RBFOX1: variants seen among roughly 807,000 people sequenced by gnomAD.
RBFOX1 encodes the protein RNA binding protein fox-1 homolog 1.
A neutral mutation model predicts 57.7 loss-of-function variants in RBFOX1; 8 were observed. That is an observed-to-expected ratio of 0.14 (90% CI 0.08 to 0.25). The LOEUF (loss-of-function observed/expected upper bound fraction) is 0.25, where lower values mean the gene tolerates loss of function less well. RBFOX1 is among the 10% of genes least tolerant of loss of function. The probability of loss-of-function intolerance (pLI) is 1.00; values close to 1 mark genes in which losing one functional copy is unlikely to be tolerated. For synonymous variants in RBFOX1, 326 were observed against 222.4 expected (o/e 1.47, Z -4.15); for missense variants, 611 against 548.5 (o/e 1.11, Z -1.14).
chr16:5,925,503 G>A (rs1476583213), intron 4 of RBFOX1, among the ~76,000 whole-genome samples: 2 of 152,180 alleles, frequency 1.3e-5, no homozygotes, highest in African/African-American at 2.4e-5. Context: ...AAACTTGGAC[G>A]TGATTCGTGG....
At chr16:7,692,993 A>C (rs2077708022) in intron 14 of RBFOX1, among the ~76,000 whole-genome samples, 1 of 152,158 alleles carries the variant, frequency 6.6e-6, no homozygotes, top group South Asian at 2.1e-4. Flanking sequence ...TAATCTCTTT[A>C]GCATAGAAAG....
intron 1 of RBFOX1, among the ~76,000 whole-genome samples, chr16:5,390,327 C>A (rs2066371916): frequency 7.0e-6 from 1 of 143,012 alleles, no homozygotes; most frequent in South Asian, 2.2e-4. Context: ...GTTGCTGTGT[C>A]ACCCAGGCTG....
rs539911250 is a variant in RBFOX1 at position 6,019,585 on chromosome 16, C to T, written c.-534C>T. On this transcript the variant is annotated 5_prime_UTR_variant, in exon 1 of 16. Coordinates refer to ENST00000550418, the MANE Select transcript of RBFOX1 (RefSeq NM_018723.4). This position sits in a 1 kb window ranked among gnomAD's most constrained non-coding sequence, Gnocchi z 4.2. ...CTGGCTGGACCCACGCGCGCGCCTCCGGGGCTGAAGAAGGAAGGAGTGAGC... is the reference window on the plus strand; with the variant it reads ...CTGGCTGGACCCACGCGCGCGCCTCTGGGGCTGAAGAAGGAAGGAGTGAGC... 4.2e-6 allele frequency: 5 copies of T among 1,189,200 alleles called. No individual in the cohort carries two copies. Among genetic ancestry groups the T allele is most frequent in the Non-Finnish European group, 5.2e-6 (5 of 960,222 alleles). 73.7% of individuals were successfully genotyped at this position (1,189,200 alleles called of 1,614,324 possible).
chr16:6,806,956 C>G (rs997429707), intron 3 of RBFOX1, among the ~76,000 whole-genome samples: 1 of 150,672 alleles, frequency 6.6e-6, no homozygotes, highest in African/African-American at 2.4e-5. Flanking sequence ...GCCTCAGCCT[C>G]CTAAGTAGCT....
intron 3 of RBFOX1, among the ~76,000 whole-genome samples, chr16:7,005,252 C>T (rs1184630207): frequency 6.6e-6 from 1 of 152,108 alleles, no homozygotes. Context: ...AATAGCTTTC[C>T]CCTTACCTTT....
chr16:6,116,458 C>G (rs1231685903), intron 1 of RBFOX1, among the ~76,000 whole-genome samples: 2 of 152,074 alleles, frequency 1.3e-5, no homozygotes, highest in African/African-American at 2.4e-5. Flanking sequence ...TTTCTTATTA[C>G]CAAGAAGGCT....
At chr16:7,381,241 T>C (rs745941487) in intron 4 of RBFOX1, among the ~76,000 whole-genome samples, 3 of 152,178 alleles carry the variant, frequency 2.0e-5, no homozygotes, top group Non-Finnish European at 2.9e-5. Context: ...CAAACCCAGG[T>C]GCAAGTGGAA....
At chr16:6,957,329 C>T (rs1038353361) in intron 3 of RBFOX1, among the ~76,000 whole-genome samples, 25 of 152,016 alleles carry the variant, frequency 1.6e-4, no homozygotes, top group African/African-American at 4.8e-4. Context: ...GACGGGGTTT[C>T]ACCATGTTAG....
intron 4 of RBFOX1, among the ~76,000 whole-genome samples, chr16:7,074,406 A>C (rs970764205): frequency 1.3e-5 from 2 of 152,244 alleles, no homozygotes; most frequent in Non-Finnish European, 2.9e-5. Flanking sequence ...CAAAAGCTGC[A>C]ATTATTTTGC....
chr16:7,709,856 C>A (rs756403486), intron 15 of RBFOX1: 3 of 1,193,140 alleles, frequency 2.5e-6, no homozygotes, highest in Non-Finnish European at 1.0e-6. Context: ...AAGACGTGCC[C>A]ATCACGTGAG....
At chr16:7,324,364 C>A (rs1749312368) in intron 4 of RBFOX1, among the ~76,000 whole-genome samples, 1 of 151,196 alleles carries the variant, frequency 6.6e-6, no homozygotes, top group African/African-American at 2.4e-5. Context: ...GTGTCCAGCT[C>A]CTGTAGGGTC....
At chr16:7,121,303 G>A (rs1414404504) in intron 4 of RBFOX1, among the ~76,000 whole-genome samples, 1 of 151,918 alleles carries the variant, frequency 6.6e-6, no homozygotes, top group Non-Finnish European at 1.5e-5. Flanking sequence ...CATATCGGTT[G>A]GAAATTAATA....
At chr16:5,525,397 C>G (rs1477739721) in intron 2 of RBFOX1, among the ~76,000 whole-genome samples, 4 of 151,112 alleles carry the variant, frequency 2.6e-5, no homozygotes, top group African/African-American at 9.8e-5. Flanking sequence ...GTGGGGGAAA[C>G]AGATGCAGAG....
chr16:7,179,763 C>G (rs964638673), intron 4 of RBFOX1, among the ~76,000 whole-genome samples: 1 of 151,986 alleles, frequency 6.6e-6, no homozygotes, highest in African/African-American at 2.4e-5. Context: ...GAGATGGAGT[C>G]TTGCTCTGTC....
At chr16:6,481,529 T>A (rs1308056896) in intron 2 of RBFOX1, among the ~76,000 whole-genome samples, 2 of 152,212 alleles carry the variant, frequency 1.3e-5, no homozygotes, top group Non-Finnish European at 2.9e-5. Context: ...GATTTGTGAA[T>A]CAAATTATTC....
At chr16:5,456,673 C>A (rs76402391) in intron 1 of RBFOX1, among the ~76,000 whole-genome samples, 5,484 of 152,276 alleles carry the variant, frequency 0.036, 126 homozygotes, top group Middle Eastern at 0.095. Context: ...CATTTTCTTC[C>A]CATTTCCTTG....
Position 7,537,109 on chromosome 16 carries a change from G to A in RBFOX1, c.270+18720G>A, listed in dbSNP as rs569532111. On this transcript the variant is annotated intron_variant, in intron 5 of 15. Coordinates refer to ENST00000550418, the MANE Select transcript of RBFOX1 (RefSeq NM_018723.4). ...ATCCCATCATTAGGTTTGATTTTGG[G>A]AATGATCTGACCACCATGTGGACAG... Among the ~76,000 whole-genome samples, 24 of 152,284 alleles carry A rather than the reference G, an allele frequency of 1.6e-4. No individual in the cohort carries two copies. In the South Asian group the frequency reaches 5.0e-3, roughly 32 times the overall value.
At chr16:6,559,030 C>T (rs1450523298) in intron 2 of RBFOX1, among the ~76,000 whole-genome samples, 1 of 152,260 alleles carries the variant, frequency 6.6e-6, no homozygotes, top group Non-Finnish European at 1.5e-5. Flanking sequence ...TAATGCAACT[C>T]CAACTCCCTA....
chr16:7,054,541 T>TGGGGGG lies in RBFOX1; in HGVS notation c.27+2446_27+2447insGGGGGG, dbSNP rs752782535. Among the ~76,000 whole-genome samples, 14 of 45,940 alleles carry TGGGGGG rather than the reference T, an allele frequency of 3.0e-4. 1 individual carries two copies. Among genetic ancestry groups the TGGGGGG allele is most frequent in the South Asian group, 1.8e-3 (1 of 552 alleles). 30.1% of individuals were successfully genotyped at this position (45,940 alleles called of 152,430 possible). On this transcript the variant is annotated intron_variant, in intron 4 of 15. Transcript: ENST00000550418. The stretch of plus-strand genomic sequence containing the variant: ...CAGGTGTGAGCCACTGCGCCAAACC[T>TGGGGGG]GGGTGGGGGGGCATTTTTTAAGGGT...
Sources: allele counts gnomAD v4.1 joint callset (sites outside exome capture counted in the v4.1 genomes callset), GRCh38; gene constraint gnomAD v4.1.1; non-coding constraint Gnocchi (gnomAD v3.1); transcripts MANE v1.5; gene names NCBI Gene and HGNC (gene_info 2026-07-23, HGNC 2026-07-21).